FOXP2: variants seen among roughly 807,000 people sequenced by gnomAD.
FOXP2 encodes the protein forkhead box protein P2.
FOXP2 carries 12 observed loss-of-function variants against 115.8 expected under a neutral mutation model. That is an observed-to-expected ratio of 0.10 (90% CI 0.07 to 0.17). The LOEUF (loss-of-function observed/expected upper bound fraction) is 0.17. Among genes scored for constraint, FOXP2 ranks in the 10% least tolerant of loss-of-function variants. FOXP2 has a pLI of 1.00. For missense variants in FOXP2, 629 were observed against 843.5 expected, an observed-to-expected ratio of 0.75 and a Z score of 3.15; for synonymous variants, 328 against 297.7, an observed-to-expected ratio of 1.10 and a Z score of -1.05.
chr7:114,385,034 G>C (rs1017328623), intron 2 of FOXP2, among the ~76,000 whole-genome samples: 2 of 148,802 alleles, frequency 1.3e-5, no homozygotes, highest in East Asian at 2.0e-4. Flanking sequence ...CTCCCTCTTT[G>C]TCTCTCTCTC....
chr7:114,670,554 T>A (rs954437470), intron 16 of FOXP2, among the ~76,000 whole-genome samples: 8 of 152,022 alleles, frequency 5.3e-5, no homozygotes, highest in African/African-American at 1.9e-4. Context: ...GCCCCATAGA[T>A]AGCTAAAAGG....
At chr7:114,175,930 A>T (rs1426039776) in intron 1 of FOXP2, among the ~76,000 whole-genome samples, 1 of 152,048 alleles carries the variant, frequency 6.6e-6, no homozygotes, top group African/African-American at 2.4e-5. Context: ...TTCAGATCTC[A>T]CTCTTTTTAA....
chr7:114,118,493 T>G (rs1397154432), intron 1 of FOXP2, among the ~76,000 whole-genome samples: 3 of 151,448 alleles, frequency 2.0e-5, no homozygotes, highest in Non-Finnish European at 4.4e-5. Flanking sequence ...AGTCAAGCTT[T>G]GAAAAGATCT....
intron 2 of FOXP2, among the ~76,000 whole-genome samples, chr7:114,503,019 A>G (rs1439058188): frequency 6.6e-6 from 1 of 152,044 alleles, no homozygotes; most frequent in African/African-American, 2.4e-5. Flanking sequence ...TTCTTAATCT[A>G]GAAAATCAAT....
intron 1 of FOXP2, among the ~76,000 whole-genome samples, chr7:114,090,272 T>C (rs562763799): frequency 8.2e-4 from 124 of 152,050 alleles, no homozygotes; most frequent in African/African-American, 2.7e-3. Flanking sequence ...GTCAGTTGAA[T>C]TCAGAAATAG....
chr7:114,542,886 G>A (rs1248371010), intron 3 of FOXP2, among the ~76,000 whole-genome samples: 1 of 151,482 alleles, frequency 6.6e-6, no homozygotes, highest in Non-Finnish European at 1.5e-5. Flanking sequence ...TGCCTCCTGG[G>A]TTCAAGAAAT....
At chr7:114,316,317 T>G (rs1001356126) in intron 2 of FOXP2, among the ~76,000 whole-genome samples, 7 of 152,302 alleles carry the variant, frequency 4.6e-5, no homozygotes, top group African/African-American at 1.7e-4. Flanking sequence ...AAAATATACA[T>G]TACTCTAATT....
chr7:114,571,296 G>A (rs1801288657), intron 3 of FOXP2, among the ~76,000 whole-genome samples: 1 of 151,800 alleles, frequency 6.6e-6, no homozygotes. Context: ...AATATACCAA[G>A]GCCTTTTAAA....
At chr7:114,539,939 C>T (rs1584870194) in intron 3 of FOXP2, among the ~76,000 whole-genome samples, 1 of 151,982 alleles carries the variant, frequency 6.6e-6, no homozygotes, top group African/African-American at 2.4e-5. Context: ...CCTGTTTCCT[C>T]ATCCCTAAAA....
At chr7:114,209,514 C>T (rs1015080764) in intron 1 of FOXP2, among the ~76,000 whole-genome samples, 1 of 152,132 alleles carries the variant, frequency 6.6e-6, no homozygotes, top group African/African-American at 2.4e-5. Context: ...ATTGAAAGGT[C>T]CACTTTTAGT....
chr7:114,165,703 T>C (rs1430781095), intron 1 of FOXP2, among the ~76,000 whole-genome samples: 1 of 152,186 alleles, frequency 6.6e-6, no homozygotes, highest in Non-Finnish European at 1.5e-5. Flanking sequence ...TAAGTTGATA[T>C]GTATATTCAA....
chr7:114,534,321 A>G (rs1349054306), intron 2 of FOXP2, among the ~76,000 whole-genome samples: 1 of 151,896 alleles, frequency 6.6e-6, no homozygotes, highest in Admixed American at 6.6e-5. Flanking sequence ...CTCAAAGACA[A>G]GTTCCTTGTG....
rs538957611 is a variant in FOXP2, at chr7:114,587,127, G to A, written c.259-41413G>A. ...CAGAACGTGCAGGTTTGTTACACAG[G>A]TGTACATGTGCCATGGGGGTTTGCT... On this transcript the variant is annotated intron_variant, in intron 3 of 16. Transcript: ENST00000350908. 5.3e-5 allele frequency among the ~76,000 whole-genome samples: 8 copies of A among 151,738 alleles called. No individual in the cohort carries two copies. The South Asian group carries it at 1.7e-3, about 32-fold the overall frequency.
At chr7:114,193,782 A>G (rs776324553) in intron 1 of FOXP2, among the ~76,000 whole-genome samples, 4 of 152,150 alleles carry the variant, frequency 2.6e-5, no homozygotes, top group Non-Finnish European at 4.4e-5. Flanking sequence ...GTTTGTCGGT[A>G]TGGTACATCT....
At chr7:114,369,265 C>T (rs1249394238) in intron 2 of FOXP2, among the ~76,000 whole-genome samples, 1 of 152,140 alleles carries the variant, frequency 6.6e-6, no homozygotes, top group African/African-American at 2.4e-5. Flanking sequence ...TAAAGTCAGC[C>T]CAATTTTAAG....
intron 1 of FOXP2, among the ~76,000 whole-genome samples, chr7:114,187,649 T>A (rs973805761): frequency 1.3e-5 from 2 of 152,350 alleles, no homozygotes; most frequent in Admixed American, 1.3e-4. Context: ...AGCCTGTAAC[T>A]AGTACCTGGT....
intron 1 of FOXP2, among the ~76,000 whole-genome samples, chr7:114,188,690 G>C (rs1793677422): frequency 6.6e-6 from 1 of 152,096 alleles, no homozygotes; most frequent in South Asian, 2.1e-4. Context: ...CCTGGGCTCA[G>C]GTGATCTTCC....
At chr7:114,672,480 G>C (rs1807542330) in intron 16 of FOXP2, among the ~76,000 whole-genome samples, 1 of 152,062 alleles carries the variant, frequency 6.6e-6, no homozygotes, top group South Asian at 2.1e-4. Context: ...AGCTACTTGG[G>C]AGGCTGAGGC....
intron 1 of FOXP2, among the ~76,000 whole-genome samples, chr7:114,254,405 T>G (rs1490841962): frequency 6.6e-6 from 1 of 152,212 alleles, no homozygotes; most frequent in Non-Finnish European, 1.5e-5. Context: ...CTTGGTTCCA[T>G]TCTCCCCGTC....
Sources: gnomAD v4.1 joint callset for allele counts (sites outside exome capture counted in the v4.1 genomes callset) on GRCh38, gnomAD v4.1.1 for gene constraint, MANE v1.5 for transcripts, NCBI Gene and HGNC (gene_info 2026-07-23, HGNC 2026-07-21) for gene names.